The following DSC3 variants were observed in gnomAD, a reference collection of about 807,000 sequenced individuals.
The protein encoded by DSC3 is desmocollin-3.
A neutral mutation model predicts 89.5 loss-of-function variants in DSC3; 97 were observed. The ratio of observed to expected loss-of-function variants is 1.08; its 90% CI spans 0.92 to 1.28. The LOEUF is 1.28. DSC3 is among the 50% of genes most tolerant of loss of function. The pLI, the probability that DSC3 is intolerant of heterozygous loss-of-function variation, is 0.00. For missense variants in DSC3, 1,199 were observed against 1,085.3 expected, an observed-to-expected ratio of 1.10 and a Z score of -1.47; for synonymous variants, 436 against 384.1, an observed-to-expected ratio of 1.14 and a Z score of -1.58.
intron 12 of DSC3, among the ~76,000 whole-genome samples, chr18:31,006,056 T>C (rs533667671): frequency 3.3e-5 from 5 of 152,234 alleles, no homozygotes; most frequent in Admixed American, 1.3e-4. Context: ...TGAAAGAACA[T>C]GGCAGTAACA....
intron 15 of DSC3, among the ~76,000 whole-genome samples, chr18:30,995,997 A>AAAG (rs1567947525): frequency 8.5e-6 from 1 of 117,584 alleles, no homozygotes; most frequent in African/African-American, 3.9e-5. Flanking sequence ...AAAAAAAAAA[A>AAAG]AAGAAAAGAA....
At chr18:31,018,583 T>G in intron 8 of DSC3, 83 bp downstream of exon 8, 1 of 1,420,150 alleles carries the variant, frequency 7.0e-7, no homozygotes, top group Non-Finnish European at 9.9e-7. Context: ...TGATACTTCA[T>G]GAAGTATTAA....
rs916805707 is a variant in DSC3 at position 31,014,270 on chromosome 18, A to C, written c.1263+3801T>G. On this transcript the variant is annotated intron_variant, in intron 9 of 15. Coordinates refer to ENST00000360428, the MANE Select transcript of DSC3 (RefSeq NM_001941.5). ...AATGTATATATAATGAACTCAAGAG[A>C]TATGTTAATTGAAGTAAAATGTATT... 2.6e-5 allele frequency among the ~76,000 whole-genome samples: 4 copies of C among 152,140 alleles called. 1 individual carries two copies. The highest frequency in any genetic ancestry group is 2.9e-5 in the Non-Finnish European group (2 of 67,960).
intron 7 of DSC3, among the ~76,000 whole-genome samples, chr18:31,019,856 A>G (rs113495249): frequency 1.2e-3 from 185 of 152,300 alleles, no homozygotes; most frequent in Non-Finnish European, 2.3e-3. Context: ...ATGAGGACAA[A>G]GAGAAAGGAT....
At chr18:31,002,700 CAAAA>C (rs78660458) in intron 13 of DSC3, among the ~76,000 whole-genome samples, 6 of 87,098 alleles carry the variant, frequency 6.9e-5, no homozygotes, top group Non-Finnish European at 5.0e-5. Context: ...AACTCTGCCT[CAAAA>C]AAAAAAAAAA....
intron 4 of DSC3, 138 bp from the exon 5 acceptor site, chr18:31,026,053 G>GTTTGCCTTACTC: frequency 4.6e-6 from 4 of 874,878 alleles, no homozygotes; most frequent in Non-Finnish European, 7.0e-6. Flanking sequence ...AATAACCATT[G>GTTTGCCTTACTC]TTGGCAAGAG....
At chr18:31,033,117 T>G (rs1464921666) in intron 1 of DSC3, among the ~76,000 whole-genome samples, 1 of 152,134 alleles carries the variant, frequency 6.6e-6, no homozygotes, top group Non-Finnish European at 1.5e-5. Flanking sequence ...CAAATAAGTA[T>G]AATATTATAC....
chr18:30,991,424 C>T lies in DSC3; in HGVS notation c.*2751G>A, dbSNP rs1405008315. 1 of 152,360 alleles carries T rather than the reference C, an allele frequency of 6.6e-6. No individual in the cohort carries two copies. The highest frequency in any genetic ancestry group is 1.5e-5 in the Non-Finnish European group (1 of 68,000). 9.4% of individuals were successfully genotyped at this position (152,360 alleles called of 1,614,324 possible). ...CATATGTGAAAATATAGAAATGAAT[C>T]CCTAAAATTAAATTTTCATTTGAGA... On this transcript the variant is annotated 3_prime_UTR_variant, in exon 16 of 16. Transcript: ENST00000360428.
At chr18:31,013,125 A>C (rs1381224468) in intron 9 of DSC3, among the ~76,000 whole-genome samples, 4 of 152,200 alleles carry the variant, frequency 2.6e-5, no homozygotes, top group Non-Finnish European at 5.9e-5. Context: ...AATAGCTAGC[A>C]ATAATACAGC....
chr18:31,002,458 T>C (rs1253241109), intron 13 of DSC3, among the ~76,000 whole-genome samples: 5 of 152,076 alleles, frequency 3.3e-5, no homozygotes, highest in Non-Finnish European at 5.9e-5. Context: ...CCCAGCACTT[T>C]GGGAGGCTGA....
rs375550377 is a variant in DSC3, at chr18:31,009,099, G to A, written c.1264-574C>T. Among the ~76,000 whole-genome samples the A allele has an allele frequency of 2.7e-4, 41 of 152,194 alleles. 1 individual carries two copies. In the East Asian group the frequency reaches 5.6e-3, roughly 21 times the overall value. ...CTTGCCTCATTCTGTCACCCAGGCTGGAGAGCAGTGGCGCAATCTTGGCTT... is the reference window on the plus strand; with the variant it reads ...CTTGCCTCATTCTGTCACCCAGGCTAGAGAGCAGTGGCGCAATCTTGGCTT... On this transcript the variant is annotated intron_variant, in intron 9 of 15. Coordinates refer to ENST00000360428, the MANE Select transcript of DSC3 (RefSeq NM_001941.5).
chr18:31,030,338 C>A (rs146246692), intron 3 of DSC3, among the ~76,000 whole-genome samples: 3 of 152,184 alleles, frequency 2.0e-5, no homozygotes. Flanking sequence ...TTAATAATTG[C>A]ATTAAACATT....
intron 5 of DSC3, 78 bp downstream of exon 5, chr18:31,025,682 G>A: frequency 6.9e-7 from 1 of 1,440,100 alleles, no homozygotes; most frequent in South Asian, 1.2e-5. Context: ...CAAGGAGAGA[G>A]GAAAGAGTAG....
At chr18:31,026,053 G>GTTCTT in intron 4 of DSC3, 138 bp from the exon 5 acceptor site, 1 of 874,880 alleles carries the variant, frequency 1.1e-6, no homozygotes, top group Non-Finnish European at 1.7e-6. Context: ...AATAACCATT[G>GTTCTT]TTGGCAAGAG....
chr18:31,014,084 G>A (rs774613039), intron 9 of DSC3, among the ~76,000 whole-genome samples: 2 of 151,898 alleles, frequency 1.3e-5, no homozygotes, highest in African/African-American at 2.4e-5. Context: ...TGGCAAAACT[G>A]TTTACATACT....
Position 31,018,939 on chromosome 18 carries a change from A to G in DSC3, c.943-139T>C, listed in dbSNP as rs560841978. ...GCTTTTACCTGATTTCCATATTTGC[A>G]CAGACTCTAGGAATTTGGTAGACAA... On this transcript the variant is annotated intron_variant, in intron 7 of 15. Coordinates refer to ENST00000360428, the MANE Select transcript of DSC3 (RefSeq NM_001941.5). 3 of 837,318 alleles carry G rather than the reference A, an allele frequency of 3.6e-6. No homozygotes were observed. In the South Asian group the frequency reaches 4.4e-5, roughly 12 times the overall value. The allele number at this position is 837,318 out of a possible 1,614,324, so 51.9% of individuals were successfully genotyped here.
chr18:31,035,977 G>C (rs1985956384), intron 1 of DSC3, among the ~76,000 whole-genome samples: 1 of 152,002 alleles, frequency 6.6e-6, no homozygotes, highest in Non-Finnish European at 1.5e-5. Context: ...CAGTATGTTT[G>C]AGATTTTTCC....
chr18:31,024,183 G>A (rs1985516486), intron 6 of DSC3, among the ~76,000 whole-genome samples, 166 bp downstream of exon 6: 1 of 152,106 alleles, frequency 6.6e-6, no homozygotes, highest in Non-Finnish European at 1.5e-5. Context: ...TCTGGGCAAG[G>A]CACATGTTGA....
Position 30,989,701 on chromosome 18 carries a change from G to T in DSC3, c.*4474C>A, listed in dbSNP as rs879244317. ...ACCTTTGCAATCAAAATAAACTGTCGAATACAGAAGCCCGTAAACATGTTC... is the reference window on the plus strand; with the variant it reads ...ACCTTTGCAATCAAAATAAACTGTCTAATACAGAAGCCCGTAAACATGTTC... On this transcript the variant is annotated 3_prime_UTR_variant, in exon 16 of 16. Coordinates refer to ENST00000360428, the MANE Select transcript of DSC3 (RefSeq NM_001941.5). Among the ~76,000 whole-genome samples the T allele has an allele frequency of 1.3e-5, 2 of 152,096 alleles. No homozygotes were observed. The highest frequency in any genetic ancestry group is 2.9e-5 in the Non-Finnish European group (2 of 68,016).
Sources: gnomAD v4.1 joint callset for allele counts (sites outside exome capture counted in the v4.1 genomes callset) on GRCh38, gnomAD v4.1.1 for gene constraint, MANE v1.5 for transcripts, NCBI Gene and HGNC (gene_info 2026-07-23, HGNC 2026-07-21) for gene names.